VAMP7: variants seen among roughly 807,000 people sequenced by gnomAD.
VAMP7 encodes vesicle associated membrane protein 7, also known as vesicle-associated membrane protein 7.
Under a neutral mutation model 29.6 loss-of-function variants are expected in VAMP7, and 14 were observed. The observed-to-expected ratio is 0.47, with a 90% CI of 0.31 to 0.74. VAMP7 has a LOEUF of 0.74. Among genes scored for constraint, VAMP7 ranks in the 30% least tolerant of loss-of-function variants. VAMP7 has a pLI of 0.05. For synonymous variants in VAMP7, 95 were observed against 88.1 expected, an observed-to-expected ratio of 1.08 and a Z score of -0.44; for missense variants, 223 against 262.4, an observed-to-expected ratio of 0.85 and a Z score of 1.04.
chrX:155,888,490 ATAAGAGTAGGTT>A (rs1422965028), intron 1 of VAMP7, among the ~76,000 whole-genome samples: 2 of 152,224 alleles, frequency 1.3e-5, no homozygotes, highest in Non-Finnish European at 2.9e-5. Context: ...ATGTTAACAA[ATAAGAGTAGGTT>A]TAACAGTTAA....
chrX:155,941,759 C>A, intron 7 of VAMP7, 124 bp from the exon 8 acceptor site: 1 of 1,163,196 alleles, frequency 8.6e-7, no homozygotes, highest in Non-Finnish European at 1.2e-6. Flanking sequence ...TGTTCCATTA[C>A]TACATAACTG....
At chrX:155,929,530 A>G (rs1293689031) in intron 6 of VAMP7, among the ~76,000 whole-genome samples, 3 of 152,066 alleles carry the variant, frequency 2.0e-5, no homozygotes, top group Non-Finnish European at 4.4e-5. Flanking sequence ...TATACCTCAC[A>G]TAGCTCAGGC....
chrX:155,901,007 T>C (rs1206690198), intron 5 of VAMP7, among the ~76,000 whole-genome samples: 1 of 151,984 alleles, frequency 6.6e-6, no homozygotes, highest in African/African-American at 2.4e-5. Context: ...TCAATCAATA[T>C]TGTGCTTCCT....
intron 3 of VAMP7, among the ~76,000 whole-genome samples, chrX:155,897,560 TACAC>T (rs2066003135): frequency 6.6e-6 from 1 of 152,134 alleles, no homozygotes; most frequent in African/African-American, 2.4e-5. Flanking sequence ...TAAACACACA[TACAC>T]ACATTCATTT....
chrX:155,900,544 A>G lies in VAMP7; in HGVS notation c.390A>G (p.Gln130=). 6.2e-7 allele frequency: 1 copy of G among 1,611,174 alleles called. No homozygotes were observed. ...NKGLDKVMET[Q]AQVDELKGIM... ...GCCTAGACAAAGTGATGGAGACTCAAGCCCAAGTGGATGAACTGAAAGGAA... is the reference window on the plus strand; with the variant it reads ...GCCTAGACAAAGTGATGGAGACTCAGGCCCAAGTGGATGAACTGAAAGGAA... Residue 130 remains glutamine (Q), a synonymous_variant, in exon 5 of 8, where the codon CAA becomes CAG. Coordinates refer to ENST00000286448, the MANE Select transcript of VAMP7 (RefSeq NM_005638.6).
chrX:155,933,211 G>C (rs2066591487), intron 6 of VAMP7, among the ~76,000 whole-genome samples: 1 of 152,140 alleles, frequency 6.6e-6, no homozygotes, highest in Non-Finnish European at 1.5e-5. Context: ...GATGATGCTG[G>C]CCTCATAAAA....
intron 5 of VAMP7, among the ~76,000 whole-genome samples, chrX:155,901,865 G>C (rs951607876): frequency 6.6e-6 from 1 of 151,948 alleles, no homozygotes; most frequent in Non-Finnish European, 1.5e-5. Flanking sequence ...GCTCTTTTTT[G>C]GTTCCATATG....
intron 6 of VAMP7, among the ~76,000 whole-genome samples, chrX:155,929,249 T>A (rs2124377495): frequency 6.6e-6 from 1 of 152,324 alleles, no homozygotes; most frequent in Admixed American, 6.5e-5. Context: ...TCTGAATATA[T>A]GTTCTAATTA....
At position 155,911,881 on chromosome X, in the gene VAMP7, C is replaced by T. The variant is rs764298323; in HGVS notation, c.434-7932C>T. On this transcript the variant is annotated intron_variant, in intron 5 of 7. Coordinates refer to ENST00000286448, the MANE Select transcript of VAMP7 (RefSeq NM_005638.6). Reference sequence around the variant, plus strand: ...TGGTGGAGTCTTTGGGTCTTTTAGACATAAGATCATATCATCTGCAAAGAG... The same window carrying T: ...TGGTGGAGTCTTTGGGTCTTTTAGATATAAGATCATATCATCTGCAAAGAG... Among the ~76,000 whole-genome samples the T allele has an allele frequency of 1.1e-4, 17 of 152,162 alleles. No individual in the cohort carries two copies. The South Asian group carries it at 3.3e-3, about 30-fold the overall frequency.
intron 6 of VAMP7, among the ~76,000 whole-genome samples, chrX:155,935,413 T>C (rs1456468267): frequency 6.6e-6 from 1 of 152,146 alleles, no homozygotes; most frequent in Non-Finnish European, 1.5e-5. Context: ...TTATTCTTTT[T>C]TCTCTAAACT....
chrX:155,939,023 G>T (rs1395355980), intron 6 of VAMP7, among the ~76,000 whole-genome samples: 1 of 152,108 alleles, frequency 6.6e-6, no homozygotes, highest in Non-Finnish European at 1.5e-5. Context: ...CCAGTTTAAG[G>T]TATGAAAAGT....
At chrX:155,911,509 A>G (rs2066237064) in intron 5 of VAMP7, among the ~76,000 whole-genome samples, 1 of 152,122 alleles carries the variant, frequency 6.6e-6, no homozygotes, top group African/African-American at 2.4e-5. Flanking sequence ...GTACTTCGAT[A>G]GAGATTGCAT....
intron 2 of VAMP7, among the ~76,000 whole-genome samples, chrX:155,891,662 A>G (rs774733189): frequency 3.9e-5 from 6 of 152,362 alleles, no homozygotes; most frequent in South Asian, 4.1e-4. Context: ...AAGACTCCCT[A>G]TTCTGACCAG....
chrX:155,936,667 C>T (rs1396639230), intron 6 of VAMP7, among the ~76,000 whole-genome samples: 1 of 152,162 alleles, frequency 6.6e-6, no homozygotes, highest in Non-Finnish European at 1.5e-5. Flanking sequence ...GATGTCTCGC[C>T]CTGCTTCGGC....
intron 6 of VAMP7, among the ~76,000 whole-genome samples, chrX:155,937,901 T>C (rs999887884): frequency 3.9e-5 from 6 of 152,226 alleles, no homozygotes; most frequent in Non-Finnish European, 8.8e-5. Context: ...TCTTCTTTCA[T>C]GATTTACAAC....
At chrX:155,908,331 C>T (rs1317480970) in intron 5 of VAMP7, among the ~76,000 whole-genome samples, 10 of 152,200 alleles carry the variant, frequency 6.6e-5, no homozygotes, top group South Asian at 4.1e-4. Flanking sequence ...CCGAGGCTGG[C>T]GGATCACTCG....
chrX:155,895,717 T>TAA, intron 3 of VAMP7, 37 bp downstream of exon 3: 1 of 1,569,050 alleles, frequency 6.4e-7, no homozygotes, highest in Non-Finnish European at 8.8e-7. Context: ...TTTAACTATG[T>TAA]GTACTGTTAA....
intron 6 of VAMP7, among the ~76,000 whole-genome samples, chrX:155,924,362 G>A (rs1321895472): frequency 1.3e-5 from 2 of 152,064 alleles, no homozygotes; most frequent in Non-Finnish European, 2.9e-5. Flanking sequence ...CATCCACAAT[G>A]TTGTGCATCC....
At chrX:155,917,922 C>A (rs760538568) in intron 5 of VAMP7, among the ~76,000 whole-genome samples, 3 of 152,282 alleles carry the variant, frequency 2.0e-5, no homozygotes, top group South Asian at 4.2e-4. Context: ...CCCCTTCCCC[C>A]AGGTGCTCGG....
Sources: gnomAD v4.1 joint callset for allele counts (sites outside exome capture counted in the v4.1 genomes callset) on GRCh38, gnomAD v4.1.1 for gene constraint, MANE v1.5 for transcripts, NCBI Gene and HGNC (gene_info 2026-07-23, HGNC 2026-07-21) for gene names.